Variants in DYRK1A observed in about 807,000 individuals in gnomAD.
The protein encoded by DYRK1A is dual specificity tyrosine-phosphorylation-regulated kinase 1A.
A neutral mutation model predicts 79.7 loss-of-function variants in DYRK1A; 9 were observed. The observed-to-expected ratio is 0.11, with a 90% CI of 0.07 to 0.20. The LOEUF (loss-of-function observed/expected upper bound fraction) is 0.20. DYRK1A is among the 10% of genes least tolerant of loss of function. The pLI, the probability that DYRK1A is intolerant of heterozygous loss-of-function variation, is 1.00. For missense variants in DYRK1A, 622 were observed against 956.0 expected (o/e 0.65, Z 4.61); for synonymous variants, 349 against 329.7 (o/e 1.06, Z -0.63).
intron 1 of DYRK1A, among the ~76,000 whole-genome samples, chr21:37,380,654 G>A (rs544925908): frequency 1.1e-4 from 16 of 152,020 alleles, no homozygotes; most frequent in Non-Finnish European, 4.4e-5. Flanking sequence ...CAAAGAATAA[G>A]GAAAGTTCAC....
chr21:37,475,791 T>A (rs2052374591), intron 3 of DYRK1A, among the ~76,000 whole-genome samples: 1 of 152,192 alleles, frequency 6.6e-6, no homozygotes, highest in African/African-American at 2.4e-5. Flanking sequence ...GTACTGTATA[T>A]TTGAAATTTT....
At chr21:37,406,027 T>A (rs2050140346) in intron 1 of DYRK1A, among the ~76,000 whole-genome samples, 2 of 152,056 alleles carry the variant, frequency 1.3e-5, no homozygotes, top group African/African-American at 4.8e-5. Flanking sequence ...TTTTTTTTTT[T>A]AAGGATGATA....
chr21:37,489,573 G>A (rs2053003998), intron 6 of DYRK1A, among the ~76,000 whole-genome samples: 1 of 151,376 alleles, frequency 6.6e-6, no homozygotes, highest in African/African-American at 2.4e-5. Flanking sequence ...ACACAGTTAA[G>A]TCCTCCAATA....
At position 37,426,707 on chromosome 21, in the gene DYRK1A, G is replaced by A. The variant is rs567631313; in HGVS notation, c.10+6323G>A. 4.0e-5 allele frequency among the ~76,000 whole-genome samples: 6 copies of A among 150,082 alleles called. No homozygotes were observed. The East Asian group carries it at 7.9e-4, about 20-fold the overall frequency. On this transcript the variant is annotated intron_variant, in intron 2 of 11. Transcript: ENST00000647188. ...GGGCAGATCACGAGGTCAGGAGATC[G>A]AGACCATCCTGGCTAACATGGTGAA...
At chr21:37,456,738 G>A (rs546601956) in intron 2 of DYRK1A, among the ~76,000 whole-genome samples, 58 of 152,280 alleles carry the variant, frequency 3.8e-4, no homozygotes, top group African/African-American at 1.3e-3. Flanking sequence ...GCTTAGGGCC[G>A]TGGTGGAGTG....
At position 37,505,229 on chromosome 21, in the gene DYRK1A, G is replaced by A. The variant is rs578038900; in HGVS notation, c.1213-54G>A. 6.6e-6 allele frequency: 9 copies of A among 1,356,668 alleles called. No homozygotes were observed. In the African/African-American group the frequency reaches 1.0e-4, roughly 15 times the overall value. The allele number at this position is 1,356,668 out of a possible 1,614,324, so 84.0% of individuals were successfully genotyped here. A position where few individuals can be genotyped will look rare whatever the true frequency, so the allele number is the denominator to read the frequency against. On this transcript the variant is annotated intron_variant, in intron 9 of 11. Coordinates refer to ENST00000647188, the MANE Select transcript of DYRK1A (RefSeq NM_001347721.2). The stretch of plus-strand genomic sequence containing the variant: ...ACATATTTGAAATTCAATTATGTGA[G>A]TGTTTACGTATTCCACCAAATTTAG...
At chr21:37,373,739 T>A (rs1374201945) in intron 1 of DYRK1A, among the ~76,000 whole-genome samples, 1 of 152,210 alleles carries the variant, frequency 6.6e-6, no homozygotes, top group Non-Finnish European at 1.5e-5. Context: ...TGGTCATAAC[T>A]TAGTCATGTG....
chr21:37,504,499 G>T (rs1348684686), intron 9 of DYRK1A: 1 of 152,164 alleles, frequency 6.6e-6, no homozygotes, highest in East Asian at 1.9e-4. Flanking sequence ...TCTTTAAAAG[G>T]CAGTGATTTT....
chr21:37,392,446 A>G (rs1368278641), intron 1 of DYRK1A, among the ~76,000 whole-genome samples: 1 of 152,236 alleles, frequency 6.6e-6, no homozygotes, highest in Non-Finnish European at 1.5e-5. Context: ...CTAACAAAAT[A>G]CCTTGGACTG....
chr21:37,379,883 T>C (rs926536178), intron 1 of DYRK1A, among the ~76,000 whole-genome samples: 6 of 152,162 alleles, frequency 3.9e-5, no homozygotes, highest in South Asian at 2.1e-4. Context: ...GTGCCAAATA[T>C]AGAAAAACCT....
chr21:37,478,378 AC>A (rs2052478150), intron 4 of DYRK1A, 78 bp downstream of exon 4: 1 of 1,349,348 alleles, frequency 7.4e-7, no homozygotes, highest in Admixed American at 2.3e-5. Context: ...TTTACCCTAA[AC>A]TTTTTTTTCA....
In DYRK1A at chr21:37,519,964, C is replaced by G. The variant is rs745900075; in HGVS notation, c.*7433C>G. 6.6e-6 allele frequency: 1 copy of G among 152,094 alleles called. No homozygotes were observed. Among genetic ancestry groups the G allele is most frequent in the Non-Finnish European group, 1.5e-5 (1 of 68,042 alleles). 9.4% of individuals were successfully genotyped at this position (152,094 alleles called of 1,614,324 possible). On this transcript the variant is annotated 3_prime_UTR_variant, in exon 12 of 12. Coordinates refer to ENST00000647188, the MANE Select transcript of DYRK1A (RefSeq NM_001347721.2). ...GTTTCACCATGTTAGGCAGGATGGTCTCAGTCTCCTGACCTTGTGATCCAT... is the reference window on the plus strand; with the variant it reads ...GTTTCACCATGTTAGGCAGGATGGTGTCAGTCTCCTGACCTTGTGATCCAT...
intron 2 of DYRK1A, among the ~76,000 whole-genome samples, chr21:37,447,554 G>C (rs1438744101): frequency 1.3e-5 from 2 of 152,078 alleles, no homozygotes; most frequent in Non-Finnish European, 2.9e-5. Context: ...GAAGAGTTTT[G>C]ATTAATTGCA....
At chr21:37,427,759 C>T (rs1322216666) in intron 2 of DYRK1A, among the ~76,000 whole-genome samples, 1 of 152,148 alleles carries the variant, frequency 6.6e-6, no homozygotes, top group Non-Finnish European at 1.5e-5. Flanking sequence ...AATTTTTCTG[C>T]ACCCTAGGAT....
At chr21:37,409,357 T>C (rs2050203255) in intron 1 of DYRK1A, among the ~76,000 whole-genome samples, 1 of 152,190 alleles carries the variant, frequency 6.6e-6, no homozygotes, top group African/African-American at 2.4e-5. Flanking sequence ...GCAGGCTGGC[T>C]CCGGAGCATC....
chr21:37,426,005 G>A (rs914966624), intron 2 of DYRK1A, among the ~76,000 whole-genome samples: 1 of 152,160 alleles, frequency 6.6e-6, no homozygotes, highest in Non-Finnish European at 1.5e-5. Flanking sequence ...AGTTCTGAAG[G>A]GGGGTTAGAG....
chr21:37,505,702 T>A, intron 10 of DYRK1A, 113 bp downstream of exon 10: 1 of 1,179,030 alleles, frequency 8.5e-7, no homozygotes. Flanking sequence ...AGCAGTTACT[T>A]TACTTAAATC....
rs182202822 is a variant in DYRK1A, at chr21:37,518,159, G to T, written c.*5628G>T. 2.0e-5 allele frequency: 3 copies of T among 152,236 alleles called. No homozygotes were observed. Among genetic ancestry groups the T allele is most frequent in the African/African-American group, 7.2e-5 (3 of 41,452 alleles). The allele number at this position is 152,236 out of a possible 1,614,324, so 9.4% of individuals were successfully genotyped here. A position where few individuals can be genotyped will look rare whatever the true frequency, so the allele number is the denominator to read the frequency against. The stretch of plus-strand genomic sequence containing the variant: ...CCTCTCAAACATAAATAGGCTGGGC[G>T]TGGTGGCTCACGTCTGTAAAGATTT... On this transcript the variant is annotated 3_prime_UTR_variant, in exon 12 of 12. Transcript: ENST00000647188.
chr21:37,506,357 A>G (rs771791746), intron 11 of DYRK1A, 134 bp downstream of exon 11: 4 of 1,564,208 alleles, frequency 2.6e-6, no homozygotes, highest in South Asian at 2.3e-5. Flanking sequence ...AAGGAAATGT[A>G]AGTATTTATC....
Sources: allele counts gnomAD v4.1 joint callset (sites outside exome capture counted in the v4.1 genomes callset), GRCh38; gene constraint gnomAD v4.1.1; transcripts MANE v1.5; gene names NCBI Gene and HGNC (gene_info 2026-07-23, HGNC 2026-07-21).